The following ZFHX3 variants were observed in gnomAD, a reference collection of about 807,000 sequenced individuals.
ZFHX3 encodes the protein zinc finger homeobox 3.
Under a neutral mutation model 279.1 loss-of-function variants are expected in ZFHX3, and 42 were observed. That is an observed-to-expected ratio of 0.15 (90% confidence interval 0.12 to 0.19). The LOEUF (loss-of-function observed/expected upper bound fraction) is 0.19. Among genes scored for constraint, ZFHX3 ranks in the 10% least tolerant of loss-of-function variants. The pLI, the probability that ZFHX3 is intolerant of heterozygous loss-of-function variation, is 1.00. For synonymous variants in ZFHX3, 2,293 were observed against 1,957.8 expected (o/e 1.17, Z -4.52); for missense variants, 4,981 against 4,754.0 (o/e 1.05, Z -1.40).
At chr16:73,198,531 A>AT (rs201331929) in intron 5 of ZFHX3, among the ~76,000 whole-genome samples, 52 of 1,220 alleles carry the variant, frequency 0.043, no homozygotes, top group African/African-American at 0.22. Flanking sequence ...GCTTTCGTTG[A>AT]TTATCGAGAA....
At chr16:72,835,885 A>G (rs1297303641) in intron 4 of ZFHX3, among the ~76,000 whole-genome samples, 1 of 152,174 alleles carries the variant, frequency 6.6e-6, no homozygotes, top group Non-Finnish European at 1.5e-5. Flanking sequence ...TTTGTTATCA[A>G]TGGGAAACCT....
At chr16:73,477,536 C>T (rs2018785562) in intron 2 of ZFHX3, among the ~76,000 whole-genome samples, 1 of 152,206 alleles carries the variant, frequency 6.6e-6, no homozygotes, top group South Asian at 2.1e-4. Context: ...GGCTGCTCAG[C>T]CTCTGTGTCC....
chr16:73,593,082 A>G (rs969817128), intron 2 of ZFHX3, among the ~76,000 whole-genome samples: 1 of 152,152 alleles, frequency 6.6e-6, no homozygotes, highest in African/African-American at 2.4e-5. Context: ...GAAAAAGAAA[A>G]TATAAATATT....
At chr16:72,825,236 G>C (rs1043498023) in intron 5 of ZFHX3, among the ~76,000 whole-genome samples, 1 of 152,200 alleles carries the variant, frequency 6.6e-6, no homozygotes, top group African/African-American at 2.4e-5. Flanking sequence ...CACAACGCCA[G>C]CTCCTTACAA....
chr16:72,901,302 C>G (rs6499596), intron 3 of ZFHX3, among the ~76,000 whole-genome samples: 1 of 152,150 alleles, frequency 6.6e-6, no homozygotes. Context: ...CTCTTTAAAA[C>G]TCCTCCCATG....
intron 5 of ZFHX3, among the ~76,000 whole-genome samples, chr16:72,821,512 G>A (rs916614135): frequency 3.3e-5 from 5 of 152,274 alleles, no homozygotes; most frequent in South Asian, 4.1e-4. Context: ...ATGGGGAGGC[G>A]GTTCTGGAGC....
At chr16:73,507,412 C>G (rs1021185975) in intron 2 of ZFHX3, among the ~76,000 whole-genome samples, 2 of 151,740 alleles carry the variant, frequency 1.3e-5, no homozygotes, top group African/African-American at 4.8e-5. Flanking sequence ...ACTTTGTGTC[C>G]CTCCCTTGGA....
intron 2 of ZFHX3, among the ~76,000 whole-genome samples, chr16:73,460,644 T>C (rs1211236303): frequency 6.6e-6 from 1 of 152,204 alleles, no homozygotes; most frequent in African/African-American, 2.4e-5. Context: ...AGTTTGGATA[T>C]GTGTCCTTGA....
chr16:73,676,915 T>G (rs1367358831), intron 2 of ZFHX3, among the ~76,000 whole-genome samples: 1 of 152,006 alleles, frequency 6.6e-6, no homozygotes, highest in Non-Finnish European at 1.5e-5. Context: ...TATGCAATAT[T>G]CATGTGTCAA....
chr16:73,373,452 C>G (rs1438595183), intron 3 of ZFHX3, among the ~76,000 whole-genome samples: 1 of 152,128 alleles, frequency 6.6e-6, no homozygotes, highest in African/African-American at 2.4e-5. Context: ...ACTGTCCTGT[C>G]CATGAGAGAT....
rs558190220 is a variant in ZFHX3, at chr16:73,461,040, C to T, written c.-1546-4782G>A. ...TTCTTTACAGCAATGCAAGAACAAACTAATACAGCAACCTTGCCAGAATTT... is the reference window on the plus strand; with the variant it reads ...TTCTTTACAGCAATGCAAGAACAAATTAATACAGCAACCTTGCCAGAATTT... On this transcript the variant is annotated intron_variant, in intron 2 of 17. Transcript: ENST00000641206. 2.2e-4 allele frequency among the ~76,000 whole-genome samples: 33 copies of T among 152,334 alleles called. No homozygotes were observed. The South Asian group carries it at 3.7e-3, about 17-fold the overall frequency.
At chr16:73,394,577 G>A (rs371569509) in intron 3 of ZFHX3, among the ~76,000 whole-genome samples, 199 of 152,264 alleles carry the variant, frequency 1.3e-3, no homozygotes, top group African/African-American at 4.2e-3. Flanking sequence ...GATTACAGGT[G>A]TGAGCCACTG....
chr16:73,175,442 G>C (rs1967641745), intron 5 of ZFHX3, among the ~76,000 whole-genome samples: 1 of 152,052 alleles, frequency 6.6e-6, no homozygotes, highest in African/African-American at 2.4e-5. Flanking sequence ...CTCCAACTTG[G>C]TCTTGAGCCA....
intron 4 of ZFHX3, among the ~76,000 whole-genome samples, chr16:72,846,954 C>G (rs1261548553): frequency 6.6e-6 from 1 of 152,164 alleles, no homozygotes; most frequent in Non-Finnish European, 1.5e-5. Flanking sequence ...ATCTGACCAT[C>G]GTGCTCTGAA....
rs1307832615 is a variant in ZFHX3, at chr16:73,782,298, C to T, written c.-1607-102058G>A. ...TAGGTAGTGACCTACAAGGCAGAGA[C>T]CTCTAACTTGTTTTAGGTCACAGAA... On this transcript the variant is annotated intron_variant, in intron 1 of 17. Transcript: ENST00000641206. Among the ~76,000 whole-genome samples the T allele has an allele frequency of 3.9e-5, 6 of 152,172 alleles. 1 individual carries two copies. The highest frequency in any genetic ancestry group is 1.4e-4 in the African/African-American group (6 of 41,432).
chr16:73,724,455 C>T (rs1414458896), intron 1 of ZFHX3, among the ~76,000 whole-genome samples: 1 of 152,182 alleles, frequency 6.6e-6, no homozygotes. Flanking sequence ...CAGGTGTCAT[C>T]ATTGAGAACC....
At chr16:73,106,515 G>A (rs1966306842) in intron 7 of ZFHX3, among the ~76,000 whole-genome samples, 1 of 152,116 alleles carries the variant, frequency 6.6e-6, no homozygotes, top group African/African-American at 2.4e-5. Flanking sequence ...TGTTCTATCT[G>A]ATATCATCCC....
chr16:72,943,987 ATCTATATCTACTGACCTAAAAGATTT>A (rs1396084095), intron 3 of ZFHX3, among the ~76,000 whole-genome samples: 25 of 152,206 alleles, frequency 1.6e-4, no homozygotes, highest in African/African-American at 5.5e-4. Context: ...ACCTAAAAGT[ATCTATATCTACTGACCTAAAAGATTT>A]TCCTGAATAA....
chr16:72,868,149 A>T (rs1390169997), intron 4 of ZFHX3, among the ~76,000 whole-genome samples: 4 of 152,278 alleles, frequency 2.6e-5, no homozygotes, highest in South Asian at 2.1e-4. Flanking sequence ...CATAAGTAAT[A>T]CATAAATGTA....
Sources: allele counts gnomAD v4.1 joint callset (sites outside exome capture counted in the v4.1 genomes callset), GRCh38; gene constraint gnomAD v4.1.1; transcripts MANE v1.5; gene names NCBI Gene and HGNC (gene_info 2026-07-23, HGNC 2026-07-21).